DPYD: variants seen among roughly 807,000 people sequenced by gnomAD.
DPYD encodes the protein dihydropyrimidine dehydrogenase.
A neutral mutation model predicts 116.2 loss-of-function variants in DPYD; 109 were observed. That is an observed-to-expected ratio of 0.94 (90% CI 0.80 to 1.10). DPYD has a LOEUF of 1.10. Ranked by LOEUF, DPYD falls within the 50% of genes least tolerant of loss-of-function variation. The pLI, the probability that DPYD is intolerant of heterozygous loss-of-function variation, is 0.00. For synonymous variants in DPYD, 440 were observed against 432.0 expected, an observed-to-expected ratio of 1.02 and a Z score of -0.23; for missense variants, 1,302 against 1,254.5, an observed-to-expected ratio of 1.04 and a Z score of -0.57.
chr1:97,232,481 TC>T (rs1661645943), intron 19 of DPYD, among the ~76,000 whole-genome samples: 1 of 152,176 alleles, frequency 6.6e-6, no homozygotes, highest in Non-Finnish European at 1.5e-5. Flanking sequence ...TTATTTTTTT[TC>T]CATTCCTGCC....
chr1:97,502,453 G>A (rs1017038670), intron 13 of DPYD, among the ~76,000 whole-genome samples: 3 of 152,006 alleles, frequency 2.0e-5, no homozygotes, highest in South Asian at 2.1e-4. Context: ...GATGAGGACC[G>A]AGAGACAGGC....
intron 2 of DPYD, chr1:97,855,462 C>A (rs1325976528): frequency 6.6e-6 from 1 of 152,046 alleles, no homozygotes; most frequent in Non-Finnish European, 1.5e-5. Flanking sequence ...GGCCTTAAAT[C>A]AACTTTGGTA....
At chr1:97,257,452 T>TATATATATATATATATAGAGAGAGAG (rs375490078) in intron 18 of DPYD, among the ~76,000 whole-genome samples, 32 of 126,460 alleles carry the variant, frequency 2.5e-4, no homozygotes, top group African/African-American at 9.1e-4. Context: ...TATATATATA[T>TATATATATATATATATAGAGAGAGAG]AGAGAGAGAG....
chr1:97,870,937 T>C (rs1014848248), intron 2 of DPYD, among the ~76,000 whole-genome samples: 2 of 152,000 alleles, frequency 1.3e-5, no homozygotes, highest in East Asian at 1.9e-4. Flanking sequence ...CAGCTGCCAT[T>C]GTATGCCCAT....
At position 97,836,394 on chromosome 1, in the gene DPYD, T is replaced by C. The variant is rs140801080; in HGVS notation, c.151-8198A>G. On this transcript the variant is annotated intron_variant, in intron 2 of 22. Transcript: ENST00000370192. ...TCTTTGGAAATCAAGTTTTAATGTATGCTTAATCTAGTTAAAATATAGAAA... is the reference window on the plus strand; with the variant it reads ...TCTTTGGAAATCAAGTTTTAATGTACGCTTAATCTAGTTAAAATATAGAAA... Among the ~76,000 whole-genome samples, 514 of 152,282 alleles carry C rather than the reference T, an allele frequency of 3.4e-3. 2 individuals carry two copies. The highest frequency in any genetic ancestry group is 0.011 in the African/African-American group (476 of 41,572).
chr1:97,332,300 A>G (rs1021274863), intron 16 of DPYD, among the ~76,000 whole-genome samples: 2 of 152,218 alleles, frequency 1.3e-5, no homozygotes, highest in Admixed American at 6.5e-5. Flanking sequence ...TGGAAAATTT[A>G]AAAGAGCTAA....
At chr1:97,104,348 C>T (rs1054076130) in intron 20 of DPYD, among the ~76,000 whole-genome samples, 5 of 152,014 alleles carry the variant, frequency 3.3e-5, no homozygotes, top group Non-Finnish European at 7.4e-5. Flanking sequence ...TCAAATATGA[C>T]ATGAAGTAAA....
At chr1:97,905,238 C>T (rs1331378491) in intron 1 of DPYD, among the ~76,000 whole-genome samples, 1 of 151,928 alleles carries the variant, frequency 6.6e-6, no homozygotes, top group Non-Finnish European at 1.5e-5. Flanking sequence ...CAAAATTATA[C>T]AGGACTAAAG....
intron 3 of DPYD, among the ~76,000 whole-genome samples, chr1:97,773,403 T>TG (rs11374387): frequency 0.98 from 149,903 of 152,302 alleles, 73,813 homozygotes; most frequent in Middle Eastern, 1. Flanking sequence ...AGGGAAGTGC[T>TG]GGCAGAGAAG....
chr1:97,224,985 C>G (rs905922477), intron 19 of DPYD, among the ~76,000 whole-genome samples: 45 of 149,626 alleles, frequency 3.0e-4, no homozygotes, highest in African/African-American at 1.1e-3. Flanking sequence ...ACAGATCTAT[C>G]TAACTATCTG....
intron 22 of DPYD, among the ~76,000 whole-genome samples, chr1:97,079,533 C>T (rs762624947): frequency 1.9e-4 from 29 of 151,984 alleles, no homozygotes; most frequent in Non-Finnish European, 3.1e-4. Flanking sequence ...TTCCTCTTCA[C>T]ACTCTTTGTT....
At chr1:97,590,517 C>T (rs1278120201) in intron 10 of DPYD, among the ~76,000 whole-genome samples, 1 of 152,124 alleles carries the variant, frequency 6.6e-6, no homozygotes, top group Non-Finnish European at 1.5e-5. Context: ...TCATGAAGCT[C>T]AAGGTCAATT....
At chr1:97,824,171 A>G (rs2101463227) in intron 3 of DPYD, among the ~76,000 whole-genome samples, 1 of 152,248 alleles carries the variant, frequency 6.6e-6, no homozygotes, top group Admixed American at 6.5e-5. Context: ...CTAGGTATAA[A>G]TTATGTCTTT....
chr1:97,880,804 G>A (rs552964388), intron 2 of DPYD, among the ~76,000 whole-genome samples: 1 of 151,894 alleles, frequency 6.6e-6, no homozygotes, highest in Non-Finnish European at 1.5e-5. Flanking sequence ...TGAATACAGT[G>A]ATGTTAAATC....
chr1:97,098,665 T>G, intron 20 of DPYD, 33 bp from the exon 21 acceptor site: 1 of 1,611,328 alleles, frequency 6.2e-7, no homozygotes, highest in Non-Finnish European at 8.5e-7. Flanking sequence ...AGGAAGCATG[T>G]TAGCTCAGAG....
At chr1:97,906,617 G>C (rs1005489090) in intron 1 of DPYD, among the ~76,000 whole-genome samples, 3 of 152,034 alleles carry the variant, frequency 2.0e-5, no homozygotes, top group East Asian at 1.9e-4. Context: ...AATCCACGGG[G>C]ATATGTTCCA....
At chr1:97,905,821 T>C (rs956240311) in intron 1 of DPYD, among the ~76,000 whole-genome samples, 5 of 152,214 alleles carry the variant, frequency 3.3e-5, no homozygotes, top group Admixed American at 1.3e-4. Flanking sequence ...TATACCTCTA[T>C]GATTCCTAAT....
intron 13 of DPYD, among the ~76,000 whole-genome samples, chr1:97,488,933 T>C (rs1164359771): frequency 6.6e-6 from 1 of 152,182 alleles, no homozygotes; most frequent in African/African-American, 2.4e-5. Flanking sequence ...GTAGCCCTGC[T>C]CCACAACGAG....
chr1:97,583,593 G>A lies in DPYD; in HGVS notation c.1129-9623C>T, dbSNP rs141845796. ...TTTTCTGCCACCTGCTAATACTCTC[G>A]GATTCTAGTAATTTTTATTATTTTT... is the stretch of plus-strand genomic sequence containing the variant. On this transcript the variant is annotated intron_variant, in intron 10 of 22. Coordinates refer to ENST00000370192, the MANE Select transcript of DPYD (RefSeq NM_000110.4). Among the ~76,000 whole-genome samples, 975 of 149,858 alleles carry A rather than the reference G, an allele frequency of 6.5e-3. 8 individuals carry two copies. The highest frequency in any genetic ancestry group is 0.022 in the African/African-American group (911 of 40,832).
Sources: gnomAD v4.1 joint callset for allele counts (sites outside exome capture counted in the v4.1 genomes callset) on GRCh38, gnomAD v4.1.1 for gene constraint, MANE v1.5 for transcripts, NCBI Gene and HGNC (gene_info 2026-07-23, HGNC 2026-07-21) for gene names.